CDH12: variants seen among roughly 807,000 people sequenced by gnomAD.
CDH12 encodes the protein cadherin-12.
In CDH12, 41 loss-of-function variants were observed where a neutral mutation model predicts 74.1. The observed-to-expected ratio is 0.55, with a 90% CI of 0.43 to 0.72. CDH12 has a LOEUF of 0.72. CDH12 is among the 30% of genes least tolerant of loss of function. CDH12 has a pLI of 0.00. For missense variants in CDH12, 945 were observed against 977.2 expected, an observed-to-expected ratio of 0.97 and a Z score of 0.44; for synonymous variants, 399 against 355.0, an observed-to-expected ratio of 1.12 and a Z score of -1.39.
intron 9 of CDH12, among the ~76,000 whole-genome samples, chr5:21,814,320 C>T (rs1747925169): frequency 6.6e-6 from 1 of 151,686 alleles, no homozygotes; most frequent in Non-Finnish European, 1.5e-5. Flanking sequence ...ACAATAAATA[C>T]AAAAAATAAA....
At chr5:22,303,756 A>G (rs1737991207) in intron 3 of CDH12, among the ~76,000 whole-genome samples, 1 of 152,128 alleles carries the variant, frequency 6.6e-6, no homozygotes, top group African/African-American at 2.4e-5. Context: ...GCTAGACAAT[A>G]TGTCAACTAT....
intron 6 of CDH12, among the ~76,000 whole-genome samples, chr5:21,890,436 G>A (rs1404178059): frequency 2.0e-5 from 3 of 151,986 alleles, no homozygotes; most frequent in Admixed American, 2.0e-4. Flanking sequence ...AACAGCTAAT[G>A]GAAAATAAGA....
chr5:21,996,143 C>A, intron 5 of CDH12, among the ~76,000 whole-genome samples: 1 of 124,562 alleles, frequency 8.0e-6, no homozygotes. Flanking sequence ...CCAATGCCTG[C>A]TTGAAGTGTA....
intron 9 of CDH12, among the ~76,000 whole-genome samples, chr5:21,811,433 A>G (rs1223833145): frequency 6.6e-6 from 1 of 152,068 alleles, no homozygotes; most frequent in Non-Finnish European, 1.5e-5. Flanking sequence ...TGAGTCCTTG[A>G]AAACTTTTAA....
At chr5:22,573,483 G>T (rs1739633420) in intron 1 of CDH12, among the ~76,000 whole-genome samples, 1 of 151,980 alleles carries the variant, frequency 6.6e-6, no homozygotes, top group African/African-American at 2.4e-5. Flanking sequence ...ATGTTTAAAA[G>T]CACACACACA....
At chr5:21,993,285 A>G (rs1736069288) in intron 5 of CDH12, among the ~76,000 whole-genome samples, 3 of 152,168 alleles carry the variant, frequency 2.0e-5, no homozygotes, top group Admixed American at 6.6e-5. Context: ...ACCGACTCCT[A>G]GATTTCTCTC....
intron 3 of CDH12, among the ~76,000 whole-genome samples, chr5:22,218,898 A>C (rs937582206): frequency 6.6e-6 from 1 of 151,712 alleles, no homozygotes; most frequent in Admixed American, 6.6e-5. Flanking sequence ...ATGGAATAAA[A>C]TCACCTACTT....
intron 2 of CDH12, among the ~76,000 whole-genome samples, chr5:22,414,367 A>G (rs1743293647): frequency 6.6e-6 from 1 of 151,946 alleles, no homozygotes; most frequent in African/African-American, 2.4e-5. Flanking sequence ...AACTCTTGCA[A>G]TATTTTGACA....
chr5:21,804,578 G>A lies in CDH12; in HGVS notation c.1003-2158C>T, dbSNP rs140764434. ...TAATAGTAATTTGAGTTATTAACGA[G>A]AGTAAATTTAGATTAGAAAAAAGAG... On this transcript the variant is annotated intron_variant, in intron 9 of 14. Transcript: ENST00000382254. 5.4e-4 allele frequency among the ~76,000 whole-genome samples: 81 copies of A among 150,952 alleles called. No homozygotes were observed. In the East Asian group the frequency reaches 0.015, roughly 27 times the overall value.
intron 3 of CDH12, among the ~76,000 whole-genome samples, chr5:22,387,587 T>C (rs904572934): frequency 1.3e-5 from 2 of 152,064 alleles, no homozygotes; most frequent in African/African-American, 2.4e-5. Flanking sequence ...GAATATAGAA[T>C]ATTGAATATG....
intron 8 of CDH12, among the ~76,000 whole-genome samples, chr5:21,829,053 T>C (rs1748855103): frequency 6.6e-6 from 1 of 152,160 alleles, no homozygotes; most frequent in Non-Finnish European, 1.5e-5. Context: ...CCCAGCATTT[T>C]GGGAGGCCGA....
intron 3 of CDH12, among the ~76,000 whole-genome samples, chr5:22,341,491 C>T (rs1034777246): frequency 6.6e-6 from 1 of 152,120 alleles, no homozygotes; most frequent in Non-Finnish European, 1.5e-5. Flanking sequence ...ATATGAAAGA[C>T]AAGAAACATC....
At chr5:22,714,284 G>C (rs553723228) in intron 1 of CDH12, among the ~76,000 whole-genome samples, 4 of 152,104 alleles carry the variant, frequency 2.6e-5, no homozygotes, top group Non-Finnish European at 5.9e-5. Context: ...TTTTTCATAG[G>C]ATGTAGAAGC....
At chr5:22,605,498 T>A (rs1002623408) in intron 1 of CDH12, among the ~76,000 whole-genome samples, 3 of 152,130 alleles carry the variant, frequency 2.0e-5, no homozygotes, top group African/African-American at 7.2e-5. Context: ...GCTGAAGGGC[T>A]CCCTTAGAAT....
At chr5:22,498,799 CTAAT>C (rs977975416) in intron 2 of CDH12, among the ~76,000 whole-genome samples, 41 of 150,278 alleles carry the variant, frequency 2.7e-4, no homozygotes, top group Non-Finnish European at 4.1e-4. Context: ...TTAAATCAAA[CTAAT>C]TATTTTCATT....
chr5:22,722,758 A>G (rs1032412184), intron 1 of CDH12, among the ~76,000 whole-genome samples: 1 of 152,200 alleles, frequency 6.6e-6, no homozygotes, highest in Non-Finnish European at 1.5e-5. Context: ...GTGTGCTTGC[A>G]TATCAAATAT....
At chr5:22,751,383 T>C (rs932013599) in intron 1 of CDH12, among the ~76,000 whole-genome samples, 26 of 149,616 alleles carry the variant, frequency 1.7e-4, no homozygotes, top group African/African-American at 5.8e-4. Flanking sequence ...TATAATCTTA[T>C]CTTTCCTTGA....
At chr5:22,254,691 A>T (rs1302097889) in intron 3 of CDH12, among the ~76,000 whole-genome samples, 1 of 151,844 alleles carries the variant, frequency 6.6e-6, no homozygotes, top group Non-Finnish European at 1.5e-5. Context: ...CAGTATGGGT[A>T]TATATAATTA....
At chr5:22,197,029 C>A (rs1318961598) in intron 4 of CDH12, among the ~76,000 whole-genome samples, 1 of 152,094 alleles carries the variant, frequency 6.6e-6, no homozygotes, top group African/African-American at 2.4e-5. Flanking sequence ...CCTACATAAA[C>A]CTGCACTTCT....
Sources: gnomAD v4.1 joint callset for allele counts (sites outside exome capture counted in the v4.1 genomes callset) on GRCh38, gnomAD v4.1.1 for gene constraint, MANE v1.5 for transcripts, NCBI Gene and HGNC (gene_info 2026-07-23, HGNC 2026-07-21) for gene names.